ZC3H11A: variants seen among roughly 807,000 people sequenced by gnomAD.
ZC3H11A encodes zinc finger CCCH-type containing 11A.
A neutral mutation model predicts 90.8 loss-of-function variants in ZC3H11A; 22 were observed. The ratio of observed to expected loss-of-function variants is 0.24; its 90% CI spans 0.17 to 0.35. The LOEUF (loss-of-function observed/expected upper bound fraction) is 0.35. ZC3H11A is among the 10% of genes least tolerant of loss of function. ZC3H11A has a pLI of 1.00. For missense variants in ZC3H11A, 701 were observed against 964.9 expected (o/e 0.73, Z 3.62); for synonymous variants, 294 against 339.8 (o/e 0.87, Z 1.48).
chr1:203,825,804 A>G (rs1680344383), intron 4 of ZC3H11A, among the ~76,000 whole-genome samples: 1 of 149,986 alleles, frequency 6.7e-6, no homozygotes, highest in African/African-American at 2.4e-5. Flanking sequence ...GTCACTTGTG[A>G]TTTTTTTTTT....
intron 4 of ZC3H11A, among the ~76,000 whole-genome samples, chr1:203,821,959 G>A (rs969862625): frequency 6.6e-5 from 10 of 152,026 alleles, no homozygotes; most frequent in South Asian, 2.1e-4. Context: ...GGGTTTCACC[G>A]TGTTAGCCAG....
At chr1:203,811,950 G>A (rs1304998477) in intron 2 of ZC3H11A, among the ~76,000 whole-genome samples, 1 of 150,902 alleles carries the variant, frequency 6.6e-6, no homozygotes, top group African/African-American at 2.4e-5. Context: ...TGAGTAGCTG[G>A]GACTATAGAT....
At chr1:203,805,333 A>G (rs1360077336) in intron 2 of ZC3H11A, among the ~76,000 whole-genome samples, 1 of 151,830 alleles carries the variant, frequency 6.6e-6, no homozygotes, top group African/African-American at 2.4e-5. Context: ...GGGTTTCACC[A>G]TGTTGGCCAG....
At chr1:203,814,670 C>T (rs182730466) in intron 2 of ZC3H11A, among the ~76,000 whole-genome samples, 14 of 152,244 alleles carry the variant, frequency 9.2e-5, no homozygotes, top group African/African-American at 3.4e-4. Flanking sequence ...TATCAAGTAC[C>T]TCAAAAGTCT....
At chr1:203,844,180 T>C (rs1687261259) in intron 12 of ZC3H11A, among the ~76,000 whole-genome samples, 1 of 151,004 alleles carries the variant, frequency 6.6e-6, no homozygotes, top group South Asian at 2.1e-4. Context: ...TTATTTTTGT[T>C]TGAGACAGAG....
At chr1:203,796,491 T>A in intron 1 of ZC3H11A, 1 of 398,972 alleles carries the variant, frequency 2.5e-6, no homozygotes, top group Non-Finnish European at 4.4e-6. Flanking sequence ...TAAACTCCCA[T>A]AATCGGTGCG....
At chr1:203,830,237 TG>T (rs778606055) in intron 8 of ZC3H11A, 34 bp downstream of exon 8, 1 of 1,520,214 alleles carries the variant, frequency 6.6e-7, no homozygotes, top group Admixed American at 2.1e-5. Context: ...GATAGTTGTA[TG>T]TTGCTAGGGA....
intron 2 of ZC3H11A, among the ~76,000 whole-genome samples, chr1:203,809,705 G>A (rs1416974846): frequency 1.3e-5 from 2 of 152,082 alleles, no homozygotes. Flanking sequence ...TGTAATCCTA[G>A]CACTTTGTGA....
intron 4 of ZC3H11A, among the ~76,000 whole-genome samples, chr1:203,819,273 G>A (rs915797558): frequency 1.4e-5 from 2 of 147,556 alleles, no homozygotes; most frequent in African/African-American, 5.0e-5. Flanking sequence ...CCACGCTGGA[G>A]TGCAGTGGCG....
Position 203,799,553 on chromosome 1 carries a change from C to T in ZC3H11A, c.-1587-2022C>T, listed in dbSNP as rs1270033757. ...TTGGTAGAGCCAGTGGAGTTGTGCT[C>T]ACCTCCCTTCAGTGGACTCTAATGA... On this transcript the variant is annotated intron_variant, in intron 1 of 17. Transcript: ENST00000367210. The T allele has an allele frequency of 7.1e-6, 5 of 702,980 alleles. No homozygotes were observed. The Admixed American group carries it at 1.0e-4, about 14-fold the overall frequency. The allele number at this position is 702,980 out of a possible 1,614,324, so 43.5% of individuals were successfully genotyped here.
At chr1:203,816,657 A>C (rs1676481362) in intron 2 of ZC3H11A, among the ~76,000 whole-genome samples, 1 of 152,102 alleles carries the variant, frequency 6.6e-6, no homozygotes, top group African/African-American at 2.4e-5. Context: ...TAAAATGTAG[A>C]TCTTTAGTTA....
chr1:203,812,478 A>T (rs1674817480), intron 2 of ZC3H11A, among the ~76,000 whole-genome samples: 1 of 151,562 alleles, frequency 6.6e-6, no homozygotes, highest in Admixed American at 6.6e-5. Context: ...TTGGATGCAT[A>T]CTATTCCATG....
intron 1 of ZC3H11A, chr1:203,797,558 A>G: frequency 1.3e-6 from 2 of 1,527,508 alleles, no homozygotes; most frequent in Non-Finnish European, 1.7e-6. Context: ...CAGTTTCTTC[A>G]CTCTCTCCTG....
chr1:203,829,101 T>C (rs1397590985), intron 5 of ZC3H11A, among the ~76,000 whole-genome samples: 4 of 152,200 alleles, frequency 2.6e-5, no homozygotes, highest in Non-Finnish European at 5.9e-5. Context: ...CAAGTAAGTG[T>C]CATATGCTTG....
At chr1:203,822,404 T>G (rs1679077815) in intron 4 of ZC3H11A, among the ~76,000 whole-genome samples, 1 of 151,890 alleles carries the variant, frequency 6.6e-6, no homozygotes, top group Non-Finnish European at 1.5e-5. Context: ...CTCACCCTGC[T>G]TGGACCCCAA....
At chr1:203,821,113 C>T (rs12403366) in intron 4 of ZC3H11A, among the ~76,000 whole-genome samples, 19,194 of 151,992 alleles carry the variant, frequency 0.13, 1,597 homozygotes, top group East Asian at 0.29. Context: ...ATCATGGGGG[C>T]GGTTTCCCCC....
intron 11 of ZC3H11A, among the ~76,000 whole-genome samples, chr1:203,839,504 G>GA (rs1685425613): frequency 6.6e-6 from 1 of 152,092 alleles, no homozygotes; most frequent in African/African-American, 2.4e-5. Flanking sequence ...TTTGAAATAA[G>GA]AAACTTCTTT....
At position 203,822,020 on chromosome 1, in the gene ZC3H11A, G is replaced by T. The variant is rs557252104; in HGVS notation, c.174+3331G>T. On this transcript the variant is annotated intron_variant, in intron 4 of 17. Coordinates refer to ENST00000367210, the MANE Select transcript of ZC3H11A (RefSeq NM_001376342.1). Reference sequence around the variant, plus strand: ...GATCCGCCCGCCTTGGCCTCCCAAAGTCCTGGGATTACAGGTGTGAGCCAC... The same window carrying T: ...GATCCGCCCGCCTTGGCCTCCCAAATTCCTGGGATTACAGGTGTGAGCCAC... 2.2e-3 allele frequency among the ~76,000 whole-genome samples: 335 copies of T among 152,216 alleles called. 1 individual carries two copies. The highest frequency in any genetic ancestry group is 3.5e-3 in the Non-Finnish European group (235 of 68,012).
At chr1:203,833,362 C>A (rs1683055789) in intron 9 of ZC3H11A, among the ~76,000 whole-genome samples, 1 of 73,010 alleles carries the variant, frequency 1.4e-5, no homozygotes, top group South Asian at 4.7e-4. Context: ...GAGACTCTGT[C>A]TCAAAAAAAA....
Sources: allele counts gnomAD v4.1 joint callset (sites outside exome capture counted in the v4.1 genomes callset), GRCh38; gene constraint gnomAD v4.1.1; transcripts MANE v1.5; gene names NCBI Gene and HGNC (gene_info 2026-07-23, HGNC 2026-07-21).